Variants in EML6 observed in about 807,000 individuals in gnomAD.
EML6 encodes the protein echinoderm microtubule-associated protein-like 6.
EML6 carries 154 observed loss-of-function variants against 240.1 expected under a neutral mutation model. That is an observed-to-expected ratio of 0.64 (90% confidence interval 0.56 to 0.73). The LOEUF (loss-of-function observed/expected upper bound fraction) is 0.73. Among genes scored for constraint, EML6 ranks in the 30% least tolerant of loss-of-function variants. EML6 has a pLI of 0.00. For missense variants in EML6, 2,964 were observed against 2,474.6 expected, an observed-to-expected ratio of 1.20 and a Z score of -4.20; for synonymous variants, 1,148 against 899.0, an observed-to-expected ratio of 1.28 and a Z score of -4.95.
intron 30 of EML6, among the ~76,000 whole-genome samples, chr2:54,951,308 G>A (rs193270881): frequency 8.5e-5 from 13 of 152,156 alleles, no homozygotes; most frequent in Non-Finnish European, 1.6e-4. Context: ...TGAGGTGGGC[G>A]GATCACCTGA....
At chr2:54,841,519 T>A (rs756586396) in intron 7 of EML6, among the ~76,000 whole-genome samples, 12 of 152,048 alleles carry the variant, frequency 7.9e-5, no homozygotes, top group Non-Finnish European at 1.3e-4. Flanking sequence ...ATAGTTAGGA[T>A]GTCCGCGTAC....
chr2:54,956,637 C>CG (rs941315992), intron 32 of EML6, among the ~76,000 whole-genome samples: 1 of 151,758 alleles, frequency 6.6e-6, no homozygotes, highest in African/African-American at 2.4e-5. Flanking sequence ...TGTGGGTCCC[C>CG]CTAGCCTCGC....
At chr2:54,770,230 A>G (rs1351129478) in intron 2 of EML6, among the ~76,000 whole-genome samples, 1 of 152,220 alleles carries the variant, frequency 6.6e-6, no homozygotes, top group Admixed American at 6.5e-5. Context: ...TATAAATAGT[A>G]TAAGGATATA....
intron 2 of EML6, among the ~76,000 whole-genome samples, chr2:54,751,927 C>A (rs1684188509): frequency 6.6e-6 from 1 of 152,158 alleles, no homozygotes; most frequent in South Asian, 2.1e-4. Context: ...ATAATGATAA[C>A]TGGAATCCTT....
chr2:54,902,495 G>A (rs548406283), intron 22 of EML6, among the ~76,000 whole-genome samples: 11 of 152,120 alleles, frequency 7.2e-5, no homozygotes, highest in Non-Finnish European at 1.5e-4. Flanking sequence ...CACCTCCAAA[G>A]CTCAAGTGAT....
At chr2:54,851,534 C>G (rs553666350) in intron 10 of EML6, among the ~76,000 whole-genome samples, 1 of 152,200 alleles carries the variant, frequency 6.6e-6, no homozygotes, top group African/African-American at 2.4e-5. Context: ...TGTGGTGCAA[C>G]ACTTGTACAC....
intron 2 of EML6, among the ~76,000 whole-genome samples, chr2:54,732,099 T>C (rs1178469407): frequency 6.6e-6 from 1 of 152,242 alleles, no homozygotes; most frequent in Non-Finnish European, 1.5e-5. Flanking sequence ...GCCATTTGTA[T>C]ATCTTCTTTG....
chr2:54,914,984 G>A (rs1673833204), intron 25 of EML6, among the ~76,000 whole-genome samples: 1 of 152,154 alleles, frequency 6.6e-6, no homozygotes, highest in Non-Finnish European at 1.5e-5. Flanking sequence ...TGACTGCAGT[G>A]ATGTAACCTG....
At chr2:54,814,717 C>T (rs2104062539) in intron 3 of EML6, among the ~76,000 whole-genome samples, 1 of 152,314 alleles carries the variant, frequency 6.6e-6, no homozygotes, top group African/African-American at 2.4e-5. Context: ...GGTTGAGTCA[C>T]TTTTGAAAAA....
chr2:54,767,757 CTT>C (rs1179273717), intron 2 of EML6, among the ~76,000 whole-genome samples: 1 of 151,982 alleles, frequency 6.6e-6, no homozygotes, highest in African/African-American at 2.4e-5. Flanking sequence ...AAGCAGTCCT[CTT>C]GCTGCATGCT....
intron 2 of EML6, among the ~76,000 whole-genome samples, chr2:54,752,384 A>T (rs1200153265): frequency 6.6e-6 from 1 of 152,198 alleles, no homozygotes; most frequent in Non-Finnish European, 1.5e-5. Flanking sequence ...TAATATACCC[A>T]TATAACTACT....
chr2:54,897,145 A>G (rs142024660), intron 21 of EML6, among the ~76,000 whole-genome samples: 536 of 152,326 alleles, frequency 3.5e-3, no homozygotes, highest in Admixed American at 5.8e-3. Context: ...CATGTATGCT[A>G]TATTGCTAGA....
chr2:54,938,668 A>G (rs1013443575), intron 28 of EML6, among the ~76,000 whole-genome samples: 2 of 152,212 alleles, frequency 1.3e-5, no homozygotes, highest in African/African-American at 2.4e-5. Flanking sequence ...TTTGGCTTCA[A>G]CAGAACCCTG....
rs1558657592 is a variant in EML6, at chr2:54,892,650, G to A, written c.2736G>A (p.Leu912=). ...HDGPVFAMYA[L]DKGFVTGGKD... is the part of the protein sequence containing the mutation. Reference sequence around the variant, plus strand: ...GGCCTGTGTTTGCTATGTATGCACTGGATAAGGTATGGCCTGTGTATCAGC... The same window carrying A: ...GGCCTGTGTTTGCTATGTATGCACTAGATAAGGTATGGCCTGTGTATCAGC... Residue 912 remains leucine (L), a synonymous_variant, in exon 19 of 42, where the codon CTG becomes CTA. Transcript: ENST00000356458. 1 of 1,550,634 alleles carries A rather than the reference G, an allele frequency of 6.4e-7. No homozygotes were observed. The highest frequency in any genetic ancestry group is 8.7e-7 in the Non-Finnish European group (1 of 1,146,076).
At chr2:54,885,891 G>A (rs993690961) in intron 17 of EML6, among the ~76,000 whole-genome samples, 14 of 152,126 alleles carry the variant, frequency 9.2e-5, no homozygotes, top group Admixed American at 8.5e-4. Context: ...GATTACAGGC[G>A]TGAGCCACCA....
intron 21 of EML6, among the ~76,000 whole-genome samples, chr2:54,898,351 T>G (rs1293557235): frequency 4.6e-5 from 7 of 152,088 alleles, no homozygotes; most frequent in Admixed American, 6.5e-5. Flanking sequence ...TGTTCTTAAC[T>G]AAAATACACA....
chr2:54,825,749 GC>G (rs895135590), intron 5 of EML6, among the ~76,000 whole-genome samples: 2 of 152,044 alleles, frequency 1.3e-5, no homozygotes, highest in Admixed American at 1.3e-4. Context: ...ACATAGGACA[GC>G]CCCCCACCCC....
chr2:54,746,294 T>G (rs1284431374), intron 2 of EML6, among the ~76,000 whole-genome samples: 2 of 152,166 alleles, frequency 1.3e-5, no homozygotes, highest in Non-Finnish European at 2.9e-5. Flanking sequence ...GAATACTGAA[T>G]GAAGGTGCAG....
intron 28 of EML6, among the ~76,000 whole-genome samples, chr2:54,944,089 G>A (rs902601634): frequency 6.6e-6 from 1 of 152,000 alleles, no homozygotes; most frequent in Non-Finnish European, 1.5e-5. Context: ...ACCTTTGGCT[G>A]GCATCTTTTC....
Sources: gnomAD v4.1 joint callset for allele counts (sites outside exome capture counted in the v4.1 genomes callset) on GRCh38, gnomAD v4.1.1 for gene constraint, MANE v1.5 for transcripts, NCBI Gene and HGNC (gene_info 2026-07-23, HGNC 2026-07-21) for gene names.